Variants in MID1 observed in about 807,000 individuals in gnomAD.
MID1 encodes the protein E3 ubiquitin-protein ligase Midline-1.
In MID1, 7 loss-of-function variants were observed where a neutral mutation model predicts 40.4. The ratio of observed to expected loss-of-function variants is 0.17; its 90% CI spans 0.10 to 0.33. The LOEUF (loss-of-function observed/expected upper bound fraction) is 0.33, where lower values mean the gene tolerates loss of function less well. Among genes scored for constraint, MID1 ranks in the 10% least tolerant of loss-of-function variants. The pLI, the probability that MID1 is intolerant of heterozygous loss-of-function variation, is 1.00. For missense variants in MID1, 367 were observed against 558.5 expected (o/e 0.66, Z 3.46); for synonymous variants, 229 against 221.2 (o/e 1.04, Z -0.31).
intron 2 of MID1, among the ~76,000 whole-genome samples, chrX:10,523,644 C>CTT (rs1446519147): frequency 1.8e-5 from 2 of 112,193 alleles, no homozygotes; most frequent in African/African-American, 3.2e-5. Context: ...TTGTTTAGCT[C>CTT]TTGCTGACAA....
chrX:10,608,544 T>C (rs1935667520), intron 1 of MID1, among the ~76,000 whole-genome samples: 2 of 112,028 alleles, frequency 1.8e-5, no homozygotes, highest in South Asian at 3.8e-4. Flanking sequence ...ATTATAGAGA[T>C]GGAGAACAGA....
At chrX:10,730,575 T>G (rs1324264996) in intron 1 of MID1, among the ~76,000 whole-genome samples, 1 of 99,040 alleles carries the variant, frequency 1.0e-5, no homozygotes, top group Non-Finnish European at 2.0e-5. Context: ...TTTTTTTTTT[T>G]TTTTTTTTTT....
intron 1 of MID1, among the ~76,000 whole-genome samples, chrX:10,609,787 G>A (rs1423285782): frequency 9.9e-6 from 1 of 100,764 alleles, no homozygotes; most frequent in Admixed American, 1.1e-4. Flanking sequence ...GCGCGATCTC[G>A]GCTCACTGCA....
At chrX:10,753,460 C>T (rs2043611982) in intron 1 of MID1, among the ~76,000 whole-genome samples, 2 of 109,710 alleles carry the variant, frequency 1.8e-5, no homozygotes, top group Non-Finnish European at 3.8e-5. Context: ...AATATATGCC[C>T]TGAGGAAGGA....
At chrX:10,733,084 G>A (rs745928029) in intron 1 of MID1, among the ~76,000 whole-genome samples, 4 of 109,588 alleles carry the variant, frequency 3.7e-5, no homozygotes, top group East Asian at 2.8e-4. Flanking sequence ...GGATGGTCTC[G>A]ATCTCCTGAC....
In MID1 at chrX:10,815,141, T is replaced by C. The variant is rs748797547; in HGVS notation, c.-187+18413A>G. On this transcript the variant is annotated intron_variant, in intron 1 of 10. Transcript: ENST00000380785. The stretch of plus-strand genomic sequence containing the variant: ...TTCCCTTTGCACATATTTTAAAATA[T>C]GCCTTTTTAACATTACCACAAAAAC... Among the ~76,000 whole-genome samples the C allele has an allele frequency of 1.3e-4, 15 of 112,243 alleles. No homozygotes were observed. The South Asian group carries it at 5.2e-3, about 39-fold the overall frequency.
intron 1 of MID1, among the ~76,000 whole-genome samples, chrX:10,646,747 C>A (rs1020632863): frequency 9.0e-6 from 1 of 111,425 alleles, no homozygotes; most frequent in African/African-American, 3.3e-5. Flanking sequence ...GTTAAGTAAT[C>A]TTTTATAAAA....
chrX:10,495,847 T>A (rs1210905990), intron 3 of MID1, among the ~76,000 whole-genome samples, 156 bp from the exon 4 acceptor site: 1 of 112,590 alleles, frequency 8.9e-6, no homozygotes, highest in Non-Finnish European at 1.9e-5. Flanking sequence ...AATATAGGAC[T>A]TACATGGCCA....
chrX:10,643,748 A>G (rs1338546641), intron 1 of MID1, among the ~76,000 whole-genome samples: 4 of 111,344 alleles, frequency 3.6e-5, no homozygotes, highest in African/African-American at 1.3e-4. Flanking sequence ...AAGACTTGGA[A>G]CCAACCCAAA....
intron 1 of MID1, among the ~76,000 whole-genome samples, chrX:10,630,456 T>G (rs1236206264): frequency 9.2e-6 from 1 of 109,248 alleles, no homozygotes; most frequent in Non-Finnish European, 1.9e-5. Context: ...AGGAAGCCTA[T>G]GTAGGTTGGA....
chrX:10,662,400 C>A (rs1248483656), intron 1 of MID1, among the ~76,000 whole-genome samples: 2 of 110,430 alleles, frequency 1.8e-5, no homozygotes, highest in African/African-American at 6.6e-5. Flanking sequence ...CATAGTTTTG[C>A]ATTCCTAGCT....
chrX:10,808,556 C>A (rs1439718170), intron 1 of MID1, among the ~76,000 whole-genome samples: 6 of 110,311 alleles, frequency 5.4e-5, no homozygotes, highest in African/African-American at 2.0e-4. Context: ...CTATGGTACA[C>A]CTCCCTATGG....
chrX:10,727,273 C>T (rs910160450), intron 1 of MID1, among the ~76,000 whole-genome samples: 1 of 111,066 alleles, frequency 9.0e-6, no homozygotes. Context: ...TGCCACCATG[C>T]CCGGCTAATT....
At chrX:10,792,715 T>C (rs959864695) in intron 1 of MID1, among the ~76,000 whole-genome samples, 1 of 111,327 alleles carries the variant, frequency 9.0e-6, no homozygotes, top group Non-Finnish European at 1.9e-5. Flanking sequence ...AGCAGCTTAG[T>C]GGTTGCCAGG....
intron 2 of MID1, among the ~76,000 whole-genome samples, chrX:10,551,420 T>A (rs1933905024): frequency 8.9e-6 from 1 of 112,481 alleles, no homozygotes. Context: ...TTGAAAGAAA[T>A]CATTGAGAAG....
chrX:10,720,179 A>C (rs1013486616), intron 1 of MID1, among the ~76,000 whole-genome samples: 1 of 112,026 alleles, frequency 8.9e-6, no homozygotes, highest in African/African-American at 3.2e-5. Context: ...AATGGCAACA[A>C]AAGCGAAAAT....
intron 1 of MID1, among the ~76,000 whole-genome samples, chrX:10,711,765 C>T (rs181327806): frequency 4.3e-4 from 48 of 112,611 alleles, no homozygotes; most frequent in African/African-American, 1.3e-3. Flanking sequence ...CATGTTCTTA[C>T]GAATGTATCT....
rs750746590 is a variant in MID1 at position 10,478,587 on chromosome X, A to C, written c.1014-3837T>G. Among the ~76,000 whole-genome samples the C allele has an allele frequency of 2.7e-5, 3 of 112,119 alleles. No individual in the cohort carries two copies. In the South Asian group the frequency reaches 1.1e-3, roughly 42 times the overall value. On this transcript the variant is annotated intron_variant, in intron 5 of 9. Coordinates refer to ENST00000317552, the MANE Select transcript of MID1 (RefSeq NM_000381.4). ...TTGGAGTATATGAGCAAAATTAGCC[A>C]ATGTTAATGAGCAGCCTCAATGCTA...
intron 1 of MID1, among the ~76,000 whole-genome samples, chrX:10,572,219 CA>C (rs1030357716): frequency 2.0e-5 from 2 of 100,667 alleles, no homozygotes; most frequent in Non-Finnish European, 4.0e-5. Context: ...CACACACACA[CA>C]TATATATATA....
Sources: allele counts gnomAD v4.1 joint callset (sites outside exome capture counted in the v4.1 genomes callset), GRCh38; gene constraint gnomAD v4.1.1; transcripts MANE v1.5; gene names NCBI Gene and HGNC (gene_info 2026-07-23, HGNC 2026-07-21).